DLG1: variants seen among roughly 807,000 people sequenced by gnomAD.
DLG1 encodes the protein disks large homolog 1.
In DLG1, 42 loss-of-function variants were observed where a neutral mutation model predicts 123.4. The ratio of observed to expected loss-of-function variants is 0.34; its 90% CI spans 0.27 to 0.44. DLG1 has a LOEUF of 0.44. Among genes scored for constraint, DLG1 ranks in the 20% least tolerant of loss-of-function variants. The pLI, the probability that DLG1 is intolerant of heterozygous loss-of-function variation, is 1.00. For synonymous variants in DLG1, 317 were observed against 356.2 expected (o/e 0.89, Z 1.24); for missense variants, 942 against 1,082.6 (o/e 0.87, Z 1.82).
At chr3:197,273,247 TTTA>T (rs1218962656) in intron 4 of DLG1, among the ~76,000 whole-genome samples, 1 of 138,194 alleles carries the variant, frequency 7.2e-6, no homozygotes, top group African/African-American at 2.6e-5. Flanking sequence ...TTTCTTTATT[TTTA>T]TTTTTATTTT....
intron 5 of DLG1, among the ~76,000 whole-genome samples, chr3:197,151,068 A>T (rs571708930): frequency 6.6e-6 from 1 of 152,256 alleles, no homozygotes; most frequent in African/African-American, 2.4e-5. Flanking sequence ...AAGCTACCCA[A>T]CTTACAGACA....
At chr3:197,191,933 T>A (rs555189416) in intron 5 of DLG1, among the ~76,000 whole-genome samples, 1 of 152,130 alleles carries the variant, frequency 6.6e-6, no homozygotes, top group Admixed American at 6.5e-5. Flanking sequence ...CTCAGCACTT[T>A]GGGAGGTCAA....
At chr3:197,077,207 TA>T (rs1369248788) in intron 17 of DLG1, among the ~76,000 whole-genome samples, 9 of 149,336 alleles carry the variant, frequency 6.0e-5, no homozygotes, top group African/African-American at 2.0e-4. Context: ...AGAAAGTTGC[TA>T]ATGCTGAATA....
In DLG1 at chr3:197,164,206, A is replaced by G. The variant is rs577205586; in HGVS notation, c.484-14410T>C. 9.2e-4 allele frequency among the ~76,000 whole-genome samples: 140 copies of G among 151,880 alleles called. 1 individual carries two copies. The highest frequency in any genetic ancestry group is 4.4e-3 in the South Asian group (21 of 4,818). On this transcript the variant is annotated intron_variant, in intron 5 of 24. Transcript: ENST00000667157. The stretch of plus-strand genomic sequence containing the variant: ...AGAGTTCAAGACCAGCCTGGCCAAC[A>G]TGGTGAAACTCCATCTCTACTAAAA...
At chr3:197,233,328 T>C (rs1744225214) in intron 4 of DLG1, among the ~76,000 whole-genome samples, 1 of 152,216 alleles carries the variant, frequency 6.6e-6, no homozygotes, top group Non-Finnish European at 1.5e-5. Flanking sequence ...TTAGAAGAAC[T>C]GCCAAGTAAA....
At chr3:197,179,669 A>G (rs1201847905) in intron 5 of DLG1, among the ~76,000 whole-genome samples, 1 of 152,176 alleles carries the variant, frequency 6.6e-6, no homozygotes, top group Non-Finnish European at 1.5e-5. Flanking sequence ...TGCTGTCCTA[A>G]GTACTTTATT....
chr3:197,158,573 G>T (rs1797392647), intron 5 of DLG1, among the ~76,000 whole-genome samples: 1 of 147,264 alleles, frequency 6.8e-6, no homozygotes, highest in Non-Finnish European at 1.5e-5. Context: ...GGTGGAGGCT[G>T]TGGTGAGCCG....
intron 23 of DLG1, among the ~76,000 whole-genome samples, chr3:197,053,693 A>G (rs1229469674): frequency 2.0e-5 from 3 of 150,470 alleles, no homozygotes; most frequent in African/African-American, 7.4e-5. Context: ...AATCACTTGA[A>G]CCCGGGAGGC....
In DLG1 at chr3:197,298,578, C is replaced by A. The variant is rs1454844463; in HGVS notation, c.-74G>T. Reference sequence around the variant, plus strand: ...TCACTCAGCAGTGCCGTTTCCAACTCCGCGGCAGAGACAGCGCCTGGCGAC... The same window carrying A: ...TCACTCAGCAGTGCCGTTTCCAACTACGCGGCAGAGACAGCGCCTGGCGAC... On this transcript the variant is annotated 5_prime_UTR_variant, in exon 1 of 25. Coordinates refer to ENST00000667157, the MANE Select transcript of DLG1 (RefSeq NM_001366207.1). 1 of 398,574 alleles carries A rather than the reference C, an allele frequency of 2.5e-6. No individual in the cohort carries two copies. Among genetic ancestry groups the A allele is most frequent in the Non-Finnish European group, 4.4e-6 (1 of 226,152 alleles). The allele number at this position is 398,574 out of a possible 1,614,324, so 24.7% of individuals were successfully genotyped here.
intron 4 of DLG1, among the ~76,000 whole-genome samples, chr3:197,254,193 T>C (rs1755794281): frequency 6.6e-6 from 1 of 152,216 alleles, no homozygotes; most frequent in Non-Finnish European, 1.5e-5. Context: ...TTAGATCGCC[T>C]TCATGGGGCA....
At chr3:197,168,535 G>A (rs1802516441) in intron 5 of DLG1, among the ~76,000 whole-genome samples, 1 of 152,170 alleles carries the variant, frequency 6.6e-6, no homozygotes, top group South Asian at 2.1e-4. Flanking sequence ...ACTCCGGGGA[G>A]CTGTATAAGA....
At chr3:197,181,134 G>A (rs184397259) in intron 5 of DLG1, among the ~76,000 whole-genome samples, 36 of 152,028 alleles carry the variant, frequency 2.4e-4, no homozygotes, top group Non-Finnish European at 4.7e-4. Context: ...AATAAGTACA[G>A]GTTCTTTTTA....
At position 197,286,774 on chromosome 3, in the gene DLG1, G is replaced by A. The variant is rs1049226814; in HGVS notation, c.152-3929C>T. Among the ~76,000 whole-genome samples the A allele has an allele frequency of 2.6e-5, 4 of 152,108 alleles. No individual in the cohort carries two copies. The East Asian group carries it at 7.7e-4, about 29-fold the overall frequency. ...TTGTTTTTGAGACAGGGTCACTCAGGCTGGAGTGCAATGGTATGATCATGC... is the reference window on the plus strand; with the variant it reads ...TTGTTTTTGAGACAGGGTCACTCAGACTGGAGTGCAATGGTATGATCATGC... On this transcript the variant is annotated intron_variant, in intron 3 of 24. Coordinates refer to ENST00000667157, the MANE Select transcript of DLG1 (RefSeq NM_001366207.1).
chr3:197,065,284 C>A lies in DLG1; in HGVS notation c.2365G>T (p.Ala789Ser). The change falls in exon 22 of 25, where the codon GCA (alanine) becomes TCA (serine). Residue 789 changes from alanine to serine, a missense_variant. Transcript: ENST00000667157. Reference protein sequence around the residue: ...GTSVQSVREVAEKGKHCILDV... With the variant: ...GTSVQSVREVSEKGKHCILDV... Reference sequence around the variant, plus strand: ...ATTAGTCTGATGCTTACCTTTTCTGCTACTTCTCGTACAGACTGAACACTT... The same window carrying A: ...ATTAGTCTGATGCTTACCTTTTCTGATACTTCTCGTACAGACTGAACACTT... 6.2e-7 allele frequency: 1 copy of A among 1,600,246 alleles called. No individual in the cohort carries two copies. Among genetic ancestry groups the A allele is most frequent in the South Asian group, 1.1e-5 (1 of 88,198 alleles).
intron 2 of DLG1, chr3:197,296,892 T>C (rs936563061): frequency 4.8e-6 from 2 of 419,402 alleles, no homozygotes; most frequent in Non-Finnish European, 4.3e-6. Flanking sequence ...AGAATAGTGC[T>C]TAGTAAGAAT....
At chr3:197,174,121 C>A (rs926502271) in intron 5 of DLG1, among the ~76,000 whole-genome samples, 2 of 152,134 alleles carry the variant, frequency 1.3e-5, no homozygotes, top group African/African-American at 4.8e-5. Context: ...AAACAGGTGG[C>A]AGGCTACATT....
At chr3:197,276,352 G>A (rs1579200191) in intron 4 of DLG1, among the ~76,000 whole-genome samples, 1 of 152,180 alleles carries the variant, frequency 6.6e-6, no homozygotes, top group Non-Finnish European at 1.5e-5. Context: ...CAAACGATAC[G>A]AATATAAAGT....
At chr3:197,223,960 T>C (rs1167304455) in intron 4 of DLG1, among the ~76,000 whole-genome samples, 2 of 152,240 alleles carry the variant, frequency 1.3e-5, no homozygotes, top group Non-Finnish European at 2.9e-5. Flanking sequence ...CTACCTGCCA[T>C]AAAATTCAAA....
intron 11 of DLG1, among the ~76,000 whole-genome samples, chr3:197,126,111 A>G (rs1410790053): frequency 6.6e-6 from 1 of 152,256 alleles, no homozygotes; most frequent in East Asian, 1.9e-4. Flanking sequence ...TATTATGATC[A>G]AGTTGAAACT....
Sources: gnomAD v4.1 joint callset for allele counts (sites outside exome capture counted in the v4.1 genomes callset) on GRCh38, gnomAD v4.1.1 for gene constraint, MANE v1.5 for transcripts, NCBI Gene and HGNC (gene_info 2026-07-23, HGNC 2026-07-21) for gene names.